Variants in LRP1B observed in about 807,000 individuals in gnomAD.
The protein encoded by LRP1B is LDL receptor related protein 1B, also known as low-density lipoprotein receptor-related protein 1B.
Under a neutral mutation model 556.6 loss-of-function variants are expected in LRP1B, and 217 were observed. The ratio of observed to expected loss-of-function variants is 0.39; its 90% CI spans 0.35 to 0.44. The LOEUF (loss-of-function observed/expected upper bound fraction) is 0.44. LRP1B is among the 20% of genes least tolerant of loss of function. The pLI is 1.00. For missense variants in LRP1B, 5,053 were observed against 5,620.8 expected (o/e 0.90, Z 3.23); for synonymous variants, 2,047 against 1,865.8 (o/e 1.10, Z -2.50).
At chr2:140,645,870 C>A (rs2105309406) in intron 41 of LRP1B, among the ~76,000 whole-genome samples, 1 of 152,114 alleles carries the variant, frequency 6.6e-6, no homozygotes, top group Non-Finnish European at 1.5e-5. Context: ...AATTCCTTAC[C>A]ATTTTCAGGA....
At chr2:141,032,814 T>A (rs1213378907) in intron 11 of LRP1B, among the ~76,000 whole-genome samples, 1 of 144,784 alleles carries the variant, frequency 6.9e-6, no homozygotes, top group African/African-American at 2.6e-5. Flanking sequence ...TGTGTGTGTA[T>A]ATATATACAT....
At chr2:141,480,232 CA>C in intron 3 of LRP1B, 163 bp downstream of exon 3, 1 of 718,062 alleles carries the variant, frequency 1.4e-6, no homozygotes, top group East Asian at 2.9e-5. Context: ...ATAATACTTG[CA>C]GCTTTGAAAT....
chr2:141,484,274 G>A (rs780638147), intron 2 of LRP1B, among the ~76,000 whole-genome samples: 70 of 148,710 alleles, frequency 4.7e-4, no homozygotes, highest in Non-Finnish European at 7.8e-4. Context: ...GATAGTTGTA[G>A]ATATGTGGCA....
At chr2:140,506,699 A>G in intron 53 of LRP1B, 97 bp downstream of exon 53, 2 of 1,295,498 alleles carry the variant, frequency 1.5e-6, no homozygotes. Context: ...TGACACTAAG[A>G]AATGTGTTGC....
intron 41 of LRP1B, among the ~76,000 whole-genome samples, chr2:140,614,238 A>G (rs1683181294): frequency 1.3e-5 from 2 of 152,232 alleles, no homozygotes; most frequent in South Asian, 4.1e-4. Flanking sequence ...GCAATGGCAT[A>G]TTATTGATCA....
intron 35 of LRP1B, among the ~76,000 whole-genome samples, chr2:140,757,683 C>T (rs544157959): frequency 2.6e-5 from 4 of 152,230 alleles, no homozygotes; most frequent in East Asian, 1.9e-4. Flanking sequence ...GAGTTAGAGA[C>T]GAGCCTGGCC....
chr2:141,165,136 A>G (rs573262140), intron 7 of LRP1B, among the ~76,000 whole-genome samples: 1 of 152,134 alleles, frequency 6.6e-6, no homozygotes, highest in East Asian at 1.9e-4. Flanking sequence ...ATAAACACCT[A>G]GATTAAAAGT....
intron 35 of LRP1B, among the ~76,000 whole-genome samples, chr2:140,725,609 C>T (rs1426232286): frequency 6.6e-6 from 1 of 151,544 alleles, no homozygotes; most frequent in Non-Finnish European, 1.5e-5. Context: ...GGGTGCAGCA[C>T]ACCAACATGA....
intron 43 of LRP1B, among the ~76,000 whole-genome samples, chr2:140,560,491 C>G (rs1680890625): frequency 1.3e-5 from 2 of 151,970 alleles, no homozygotes; most frequent in South Asian, 2.1e-4. Context: ...TTTTTTGCAG[C>G]CTAACATTAT....
chr2:141,515,774 TAA>T (rs1372989987), intron 2 of LRP1B, among the ~76,000 whole-genome samples: 1 of 152,080 alleles, frequency 6.6e-6, no homozygotes, highest in East Asian at 1.9e-4. Flanking sequence ...TTTATAAGAA[TAA>T]AAAGTTTATT....
chr2:142,087,432 A>T (rs1223291594), intron 1 of LRP1B, among the ~76,000 whole-genome samples: 1 of 152,014 alleles, frequency 6.6e-6, no homozygotes, highest in Non-Finnish European at 1.5e-5. Context: ...ATGAATTACA[A>T]CAAAAAGGCA....
chr2:140,810,031 G>A (rs972762443), intron 32 of LRP1B, among the ~76,000 whole-genome samples: 1 of 152,182 alleles, frequency 6.6e-6, no homozygotes, highest in East Asian at 1.9e-4. Context: ...CTTATTAAAA[G>A]GAGAAATAGC....
At chr2:141,339,134 T>G (rs2105511545) in intron 3 of LRP1B, among the ~76,000 whole-genome samples, 1 of 152,262 alleles carries the variant, frequency 6.6e-6, no homozygotes, top group Non-Finnish European at 1.5e-5. Flanking sequence ...GGCTAAGACT[T>G]AACATGCTTC....
rs193260442 is a variant in LRP1B at position 141,122,966 on chromosome 2, G to A, written c.1014-60693C>T. 6.6e-5 allele frequency among the ~76,000 whole-genome samples: 10 copies of A among 152,098 alleles called. No homozygotes were observed. In the East Asian group the frequency reaches 1.2e-3, roughly 18 times the overall value. On this transcript the variant is annotated intron_variant, in intron 7 of 90. Transcript: ENST00000389484. ...CCTTTGTAGGGACATGGATGAAGCT[G>A]GAAACCATCATTCTCAGTAAACTAT...
chr2:140,507,710 T>A (rs1689479039), intron 52 of LRP1B, among the ~76,000 whole-genome samples: 1 of 152,170 alleles, frequency 6.6e-6, no homozygotes, highest in Non-Finnish European at 1.5e-5. Flanking sequence ...ATATTTTCAG[T>A]AATCTTTGCA....
intron 57 of LRP1B, among the ~76,000 whole-genome samples, chr2:140,488,115 G>A (rs560619848): frequency 6.6e-6 from 1 of 151,892 alleles, no homozygotes; most frequent in Admixed American, 6.6e-5. Context: ...CTGTTCCATG[G>A]AAGAGCCTGA....
chr2:141,074,242 T>G (rs948871899), intron 7 of LRP1B, among the ~76,000 whole-genome samples: 5 of 152,052 alleles, frequency 3.3e-5, no homozygotes, highest in Non-Finnish European at 7.4e-5. Flanking sequence ...CATATACACT[T>G]TCCCTTAGCC....
chr2:141,436,438 G>C (rs1680768352), intron 3 of LRP1B, among the ~76,000 whole-genome samples: 1 of 152,116 alleles, frequency 6.6e-6, no homozygotes, highest in Non-Finnish European at 1.5e-5. Context: ...GAGAGATGTT[G>C]ATCAAAGGGT....
intron 2 of LRP1B, among the ~76,000 whole-genome samples, chr2:141,557,448 C>G (rs145568324): frequency 6.6e-6 from 1 of 151,902 alleles, no homozygotes; most frequent in Non-Finnish European, 1.5e-5. Flanking sequence ...ATGTGAATAA[C>G]CGCAGAGAGA....
Sources: allele counts gnomAD v4.1 joint callset (sites outside exome capture counted in the v4.1 genomes callset), GRCh38; gene constraint gnomAD v4.1.1; transcripts MANE v1.5; gene names NCBI Gene and HGNC (gene_info 2026-07-23, HGNC 2026-07-21).